DKK3: variants seen among roughly 807,000 people sequenced by gnomAD.
DKK3 encodes dickkopf-related protein 3.
A neutral mutation model predicts 33.2 loss-of-function variants in DKK3; 22 were observed. That is an observed-to-expected ratio of 0.66 (90% CI 0.47 to 0.95). The LOEUF is 0.95. DKK3 is among the 40% of genes least tolerant of loss of function. The probability of loss-of-function intolerance (pLI) is 0.00; values close to 1 mark genes in which losing one functional copy is unlikely to be tolerated. For missense variants in DKK3, 398 were observed against 458.4 expected, an observed-to-expected ratio of 0.87 and a Z score of 1.20; for synonymous variants, 194 against 188.8, an observed-to-expected ratio of 1.03 and a Z score of -0.23.
At chr11:12,003,335 G>A (rs2133333201) in intron 1 of DKK3, among the ~76,000 whole-genome samples, 1 of 152,212 alleles carries the variant, frequency 6.6e-6, no homozygotes, top group Non-Finnish European at 1.5e-5. Context: ...TCCTTGCAGA[G>A]GGACCCTTGT....
chr11:11,970,270 A>C (rs1241489389), intron 3 of DKK3, among the ~76,000 whole-genome samples: 2 of 152,184 alleles, frequency 1.3e-5, no homozygotes, highest in Admixed American at 1.3e-4. Flanking sequence ...TCGTAATTCA[A>C]TTGGAAAAAG....
chr11:11,987,298 G>T (rs1281489460), intron 3 of DKK3, among the ~76,000 whole-genome samples: 2 of 152,070 alleles, frequency 1.3e-5, no homozygotes, highest in Admixed American at 6.6e-5. Flanking sequence ...TAAAAACAAG[G>T]GCACCAAGAC....
chr11:11,964,600 T>C lies in DKK3; in HGVS notation c.917A>G (p.Asp306Gly), dbSNP rs779293679. The C allele has an allele frequency of 2.5e-6, 4 of 1,614,150 alleles. No individual in the cohort carries two copies. In the Admixed American group the frequency reaches 6.7e-5, roughly 27 times the overall value. Residue 306 changes from aspartate (D) to glycine (G), a missense_variant, in exon 7 of 7, where the codon GAT (aspartate) becomes GGT (glycine). Coordinates refer to ENST00000683431, the MANE Select transcript of DKK3 (RefSeq NM_001018057.2). ...CATGAAGCTGCCAACTTCATACTCA[T>C]CGGGGACCTCTCTGGGCAGCAGGAT... ...GEILLPREVP[D>G]EYEVGSFMEE...
intron 1 of DKK3, among the ~76,000 whole-genome samples, chr11:12,003,369 G>A (rs11022109): frequency 0.057 from 8,658 of 152,172 alleles, 265 homozygotes; most frequent in South Asian, 0.13. Context: ...ACCAGTTCCC[G>A]GGGTCCACAC....
At chr11:11,974,034 C>T (rs555615316) in intron 3 of DKK3, among the ~76,000 whole-genome samples, 1 of 152,314 alleles carries the variant, frequency 6.6e-6, no homozygotes, top group African/African-American at 2.4e-5. Flanking sequence ...ACCGGAGGCC[C>T]AAAGGAAGAG....
At chr11:12,004,101 C>A (rs1848489991) in intron 1 of DKK3, among the ~76,000 whole-genome samples, 1 of 152,134 alleles carries the variant, frequency 6.6e-6, no homozygotes, top group African/African-American at 2.4e-5. Flanking sequence ...GCACCAGATG[C>A]CTTGAATATT....
intron 3 of DKK3, among the ~76,000 whole-genome samples, chr11:11,994,028 A>G (rs1441023284): frequency 6.6e-6 from 1 of 152,164 alleles, no homozygotes; most frequent in Non-Finnish European, 1.5e-5. Flanking sequence ...CCTTGTGGCC[A>G]GGAACACAGA....
intron 3 of DKK3, among the ~76,000 whole-genome samples, chr11:11,986,714 T>A (rs1248261083): frequency 6.6e-6 from 1 of 152,248 alleles, no homozygotes; most frequent in Admixed American, 6.5e-5. Context: ...AATTTACAAC[T>A]GGGTTCATAT....
chr11:11,993,659 C>G (rs1848231803), intron 3 of DKK3, among the ~76,000 whole-genome samples: 1 of 152,152 alleles, frequency 6.6e-6, no homozygotes, highest in South Asian at 2.1e-4. Flanking sequence ...TCTTATATAT[C>G]TTTTCCTACT....
intron 2 of DKK3, among the ~76,000 whole-genome samples, chr11:12,000,265 C>T (rs1231782784): frequency 2.6e-5 from 4 of 152,042 alleles, no homozygotes; most frequent in East Asian, 1.9e-4. Flanking sequence ...AGTACAGTTG[C>T]GATGATCTCG....
At chr11:12,009,060 T>TCAG, upstream of DKK3, 1 of 985,680 alleles carries the variant, frequency 1.0e-6, no homozygotes. Context: ...CAAGCACAGG[T>TCAG]CAGCCCCCTC....
At chr11:12,009,025 C>G (rs1848604592), upstream of DKK3, 1 of 990,754 alleles carries the variant, frequency 1.0e-6, no homozygotes, top group Non-Finnish European at 1.2e-6. Flanking sequence ...CCTCAAGCCT[C>G]TCTCAGCCCC....
intron 3 of DKK3, among the ~76,000 whole-genome samples, chr11:11,996,399 G>T (rs1590545497): frequency 6.6e-6 from 1 of 152,182 alleles, no homozygotes; most frequent in Non-Finnish European, 1.5e-5. Context: ...TTGAATGAAA[G>T]AATTCTGTGG....
chr11:11,965,868 C>T lies in DKK3; in HGVS notation c.771G>A (p.Glu257=). Reference sequence around the variant, plus strand: ...GGCATCGGTCCAAGGCTCCATCAGGCTCTAGCTCCCAGGTGATGAGGTCCA... The same window carrying T: ...GGCATCGGTCCAAGGCTCCATCAGGTTCTAGCTCCCAGGTGATGAGGTCCA... ...RLLDLITWEL[E]PDGALDRCPC... is the part of the protein sequence containing the mutation. Residue 257 remains glutamate, a synonymous_variant, in exon 6 of 7, where the codon GAG becomes GAA. Transcript: ENST00000683431. 1.2e-6 allele frequency: 2 copies of T among 1,614,196 alleles called. No individual in the cohort carries two copies. The highest frequency in any genetic ancestry group is 1.7e-6 in the Non-Finnish European group (2 of 1,180,038).
chr11:12,007,809 C>T (rs920941482), intron 1 of DKK3, among the ~76,000 whole-genome samples: 4 of 152,260 alleles, frequency 2.6e-5, no homozygotes, highest in African/African-American at 9.6e-5. Flanking sequence ...CATCCTCATC[C>T]GCCACTCATA....
Position 12,003,453 on chromosome 11 carries a change from G to T in DKK3, c.214-1016C>A, listed in dbSNP as rs115150599. 5.2e-3 allele frequency among the ~76,000 whole-genome samples: 799 copies of T among 152,230 alleles called. 8 individuals are homozygous for T. Among genetic ancestry groups the T allele is most frequent in the African/African-American group, 0.018 (745 of 41,530 alleles). On this transcript the variant is annotated intron_variant, in intron 1 of 6. Transcript: ENST00000683431. Reference sequence around the variant, plus strand: ...GTGGCCGCTGTCCTCAAATCCTCCAGGCTCATGATCCTCCATAACATCTAT... The same window carrying T: ...GTGGCCGCTGTCCTCAAATCCTCCATGCTCATGATCCTCCATAACATCTAT...
At chr11:11,971,886 C>G (rs1847732922) in intron 3 of DKK3, among the ~76,000 whole-genome samples, 1 of 152,096 alleles carries the variant, frequency 6.6e-6, no homozygotes, top group African/African-American at 2.4e-5. Context: ...CCTAAATATA[C>G]CAAAGCTACT....
intron 3 of DKK3, among the ~76,000 whole-genome samples, chr11:11,992,617 G>A (rs1848210347): frequency 6.6e-6 from 1 of 152,104 alleles, no homozygotes; most frequent in South Asian, 2.1e-4. Context: ...TTTGCTCTTG[G>A]GCATGGCCTG....
At chr11:12,001,036 C>T (rs927654447) in intron 2 of DKK3, among the ~76,000 whole-genome samples, 3 of 152,104 alleles carry the variant, frequency 2.0e-5, no homozygotes, top group African/African-American at 4.8e-5. Context: ...AGAATCAGGA[C>T]ATTTAAGTAA....
Sources: allele counts gnomAD v4.1 joint callset (sites outside exome capture counted in the v4.1 genomes callset), GRCh38; gene constraint gnomAD v4.1.1; transcripts MANE v1.5; gene names NCBI Gene and HGNC (gene_info 2026-07-23, HGNC 2026-07-21).